The following AK7 variants were observed in gnomAD, a reference collection of about 807,000 sequenced individuals.
The protein encoded by AK7 is ATP-AMP transphosphorylase 7.
In AK7, 78 loss-of-function variants were observed where a neutral mutation model predicts 96.6. The ratio of observed to expected loss-of-function variants is 0.81; its 90% CI spans 0.67 to 0.97. The LOEUF (loss-of-function observed/expected upper bound fraction) is 0.97. AK7 is among the 50% of genes least tolerant of loss of function. AK7 has a pLI of 0.00. For synonymous variants in AK7, 302 were observed against 317.2 expected, an observed-to-expected ratio of 0.95 and a Z score of 0.51; for missense variants, 855 against 887.9, an observed-to-expected ratio of 0.96 and a Z score of 0.47.
chr14:96,420,480 A>C (rs544003158), intron 4 of AK7, among the ~76,000 whole-genome samples: 2 of 151,988 alleles, frequency 1.3e-5, no homozygotes, highest in African/African-American at 4.8e-5. Context: ...GTCTAGGAGG[A>C]TGCTACTATC....
intron 16 of AK7, 103 bp from the exon 17 acceptor site, chr14:96,486,795 T>G (rs1895791866): frequency 2.9e-6 from 3 of 1,018,094 alleles, no homozygotes; most frequent in Middle Eastern, 2.4e-4. Flanking sequence ...TCATAGATGG[T>G]GACCATTTCT....
At chr14:96,440,121 G>A (rs936343068) in intron 6 of AK7, among the ~76,000 whole-genome samples, 1 of 152,052 alleles carries the variant, frequency 6.6e-6, no homozygotes, top group African/African-American at 2.4e-5. Context: ...GATTACAGGT[G>A]TGTGCCACCA....
chr14:96,438,050 C>T (rs1028219093), intron 6 of AK7, 135 bp downstream of exon 6: 14 of 616,752 alleles, frequency 2.3e-5, no homozygotes, highest in Middle Eastern at 2.6e-4. Context: ...GTATGGATGT[C>T]ACCACAAAGA....
At position 96,420,922 on chromosome 14, in the gene AK7, T is replaced by G; in HGVS notation, c.599T>G (p.Phe200Cys). 1 of 1,605,944 alleles carries G rather than the reference T, an allele frequency of 6.2e-7. No homozygotes were observed. Among genetic ancestry groups the G allele is most frequent in the Non-Finnish European group, 8.5e-7 (1 of 1,173,362 alleles). ...HINAEKMVLKFGKKARKFAAY... is the reference protein window; with the variant it reads ...HINAEKMVLKCGKKARKFAAY... ...AATGCTGAAAAAATGGTTCTCAAATTTGGAAAAAAGGTAAGTCTGGCATAG... is the reference window on the plus strand; with the variant it reads ...AATGCTGAAAAAATGGTTCTCAAATGTGGAAAAAAGGTAAGTCTGGCATAG... Residue 200 changes from phenylalanine (F) to cysteine (C), a missense_variant, in exon 5 of 18, where the codon TTT becomes TGT. Phe to Cys is a radical substitution (Grantham distance 205, BLOSUM62 -2). Coordinates refer to ENST00000267584, the MANE Select transcript of AK7 (RefSeq NM_152327.5).
chr14:96,452,993 G>T (rs1003601887), intron 10 of AK7, among the ~76,000 whole-genome samples: 2 of 152,178 alleles, frequency 1.3e-5, no homozygotes, highest in African/African-American at 4.8e-5. Flanking sequence ...TTTGAAAACT[G>T]TAAAATGGCG....
rs867449768 is a variant in AK7 at position 96,477,485 on chromosome 14, G to A, written c.1556-980G>A. The stretch of plus-strand genomic sequence containing the variant: ...GTGATGCACCCAGACACTGATCTGG[G>A]CACCAGTATACCCTGCTCCTGTAGT... On this transcript the variant is annotated intron_variant, in intron 14 of 17. Coordinates refer to ENST00000267584, the MANE Select transcript of AK7 (RefSeq NM_152327.5). Among the ~76,000 whole-genome samples the A allele has an allele frequency of 7.2e-5, 11 of 152,162 alleles. 1 individual carries two copies. Among genetic ancestry groups the A allele is most frequent in the Middle Eastern group, 3.2e-3 (1 of 316 alleles).
chr14:96,398,135 G>T lies in AK7; in HGVS notation c.166G>T (p.Glu56Ter). The T allele has an allele frequency of 6.2e-7, 1 of 1,614,010 alleles. No homozygotes were observed. Among genetic ancestry groups the T allele is most frequent in the South Asian group, 1.1e-5 (1 of 91,086 alleles). ...AGAAATTACAGAGGAAGAGGAAGAG[G>T]AAGATGAAAATAAGTCAGCTATGCT... The part of the protein sequence containing the change: ...LEEITEEEEE[E>*]DENKSAMLEA... The change falls in exon 2 of 18, where the codon GAA becomes TAA. Residue 56 changes from glutamate (E) to a stop codon, truncating the protein, a stop_gained. Coordinates refer to ENST00000267584, the MANE Select transcript of AK7 (RefSeq NM_152327.5). LOFTEE classifies it high-confidence loss of function.
intron 1 of AK7, among the ~76,000 whole-genome samples, chr14:96,395,974 G>C (rs1255942255): frequency 6.6e-6 from 1 of 151,732 alleles, no homozygotes; most frequent in Non-Finnish European, 1.5e-5. Flanking sequence ...ACCATGCCCA[G>C]CTAATTTTTG....
intron 5 of AK7, among the ~76,000 whole-genome samples, chr14:96,432,720 C>T (rs1001343043): frequency 6.6e-6 from 1 of 151,470 alleles, no homozygotes; most frequent in African/African-American, 2.4e-5. Context: ...CGCGGTGGCT[C>T]ATGCCTGTAA....
intron 2 of AK7, 42 bp downstream of exon 2, chr14:96,398,305 A>G (rs1890202338): frequency 6.3e-7 from 1 of 1,598,234 alleles, no homozygotes; most frequent in Non-Finnish European, 8.6e-7. Flanking sequence ...CAGAGGGAAG[A>G]GTCACCTTCC....
intron 5 of AK7, among the ~76,000 whole-genome samples, chr14:96,432,205 T>A (rs1892390132): frequency 1.1e-5 from 1 of 87,388 alleles, no homozygotes; most frequent in Non-Finnish European, 2.1e-5. Context: ...ACCCCTGCTT[T>A]TTTTTTTTTT....
chr14:96,423,937 C>A, intron 5 of AK7: 1 of 1,064,772 alleles, frequency 9.4e-7, no homozygotes, highest in Non-Finnish European at 1.5e-6. Context: ...GATGTCACTG[C>A]CCTTCATGTG....
intron 15 of AK7, 143 bp downstream of exon 15, chr14:96,478,805 G>A (rs1895339186): frequency 3.9e-6 from 3 of 765,600 alleles, no homozygotes; most frequent in East Asian, 5.4e-5. Flanking sequence ...AATACACAGG[G>A]CACTCCTCCT....
intron 12 of AK7, among the ~76,000 whole-genome samples, chr14:96,460,778 C>A (rs980314556): frequency 1.3e-5 from 2 of 152,168 alleles, no homozygotes; most frequent in South Asian, 4.1e-4. Flanking sequence ...TTGCCATTGG[C>A]CAGCTTAAGG....
intron 4 of AK7, among the ~76,000 whole-genome samples, chr14:96,415,879 T>C (rs962077656): frequency 6.6e-6 from 1 of 151,494 alleles, no homozygotes; most frequent in African/African-American, 2.4e-5. Context: ...TTGGGGTTGG[T>C]TTTTCCCTTA....
chr14:96,472,693 A>G lies in AK7; in HGVS notation c.1493A>G (p.Asp498Gly). Residue 498 changes from aspartate (D) to glycine (G), a missense_variant, in exon 14 of 18, where the codon GAT becomes GGT. Coordinates refer to ENST00000267584, the MANE Select transcript of AK7 (RefSeq NM_152327.5). Reference sequence around the variant, plus strand: ...GAATATTTTGTTTTCTTAGAGGAAGATGAGGAGGAGGAAGATGATGTCAGA... The same window carrying G: ...GAATATTTTGTTTTCTTAGAGGAAGGTGAGGAGGAGGAAGATGATGTCAGA... ...DQAKDLFNQE[D>G]EEEEDDVRGR... 6.2e-7 allele frequency: 1 copy of G among 1,612,922 alleles called. No homozygotes were observed. Among genetic ancestry groups the G allele is most frequent in the African/African-American group, 1.3e-5 (1 of 75,030 alleles).
intron 9 of AK7, among the ~76,000 whole-genome samples, chr14:96,451,000 A>AATCT: frequency 6.6e-6 from 1 of 151,708 alleles, no homozygotes; most frequent in African/African-American, 2.4e-5. Flanking sequence ...GATCTTGACC[A>AATCT]CCTGACCTTG....
intron 14 of AK7, among the ~76,000 whole-genome samples, chr14:96,473,393 G>A (rs576676837): frequency 7.3e-5 from 11 of 151,152 alleles, no homozygotes; most frequent in African/African-American, 2.4e-4. Flanking sequence ...GGATGGTCTC[G>A]ATCTCCCGAC....
chr14:96,434,756 G>A (rs1169688316), intron 5 of AK7, among the ~76,000 whole-genome samples: 1 of 152,168 alleles, frequency 6.6e-6, no homozygotes, highest in Non-Finnish European at 1.5e-5. Context: ...AACCTTAGAA[G>A]TCTACCTGGC....
Sources: gnomAD v4.1 joint callset for allele counts (sites outside exome capture counted in the v4.1 genomes callset) on GRCh38, gnomAD v4.1.1 for gene constraint, MANE v1.5 for transcripts, NCBI Gene and HGNC (gene_info 2026-07-23, HGNC 2026-07-21) for gene names.